TNKS: variants seen among roughly 807,000 people sequenced by gnomAD.
TNKS encodes the protein poly [ADP-ribose] polymerase tankyrase-1.
In TNKS, 72 loss-of-function variants were observed where a neutral mutation model predicts 135.8. The ratio of observed to expected loss-of-function variants is 0.53; its 90% CI spans 0.44 to 0.64. TNKS has a LOEUF of 0.64. Among genes scored for constraint, TNKS ranks in the 30% least tolerant of loss-of-function variants. TNKS has a pLI of 0.00. For missense variants in TNKS, 1,769 were observed against 1,674.0 expected (o/e 1.06, Z -0.99); for synonymous variants, 849 against 649.3 (o/e 1.31, Z -4.68).
chr8:9,715,758 T>G (rs750348041), intron 11 of TNKS, among the ~76,000 whole-genome samples: 2 of 152,128 alleles, frequency 1.3e-5, no homozygotes, highest in South Asian at 4.1e-4. Flanking sequence ...CCCAATTCAT[T>G]TGAAAAATCC....
At chr8:9,661,431 A>G (rs893286023) in intron 3 of TNKS, among the ~76,000 whole-genome samples, 1 of 152,164 alleles carries the variant, frequency 6.6e-6, no homozygotes, top group African/African-American at 2.4e-5. Context: ...ATAATGCCGC[A>G]TATCTACAAC....
intron 5 of TNKS, among the ~76,000 whole-genome samples, chr8:9,687,320 T>C (rs1026468472): frequency 6.6e-6 from 1 of 152,232 alleles, no homozygotes; most frequent in African/African-American, 2.4e-5. Context: ...ATATATCTAA[T>C]CAAGTCACTT....
At chr8:9,629,989 T>C (rs887581378) in intron 3 of TNKS, among the ~76,000 whole-genome samples, 3 of 152,160 alleles carry the variant, frequency 2.0e-5, no homozygotes, top group African/African-American at 7.2e-5. Context: ...GCCAACTACT[T>C]TCTCTTAATA....
chr8:9,604,600 T>G (rs1271569427), intron 2 of TNKS, among the ~76,000 whole-genome samples: 1 of 151,962 alleles, frequency 6.6e-6, no homozygotes, highest in Non-Finnish European at 1.5e-5. Context: ...GTTAGCTACC[T>G]TCTTATAGTT....
intron 25 of TNKS, among the ~76,000 whole-genome samples, chr8:9,766,627 A>C (rs1267286211): frequency 6.6e-6 from 1 of 151,940 alleles, no homozygotes; most frequent in Admixed American, 6.6e-5. Context: ...CTGGGATTAC[A>C]GGCACCTGCC....
intron 11 of TNKS, chr8:9,710,472 A>G (rs1045118286): frequency 3.5e-6 from 2 of 570,770 alleles, no homozygotes; most frequent in Non-Finnish European, 3.1e-6. Context: ...GTCATTTGAA[A>G]TAGATTTCAT....
intron 2 of TNKS, among the ~76,000 whole-genome samples, chr8:9,601,916 T>C (rs1424207778): frequency 6.6e-6 from 1 of 152,152 alleles, no homozygotes; most frequent in Non-Finnish European, 1.5e-5. Context: ...TAGCCCAATA[T>C]ATAAAAGCGT....
intron 2 of TNKS, among the ~76,000 whole-genome samples, chr8:9,614,716 T>G (rs1013494316): frequency 6.6e-6 from 1 of 152,208 alleles, no homozygotes; most frequent in Non-Finnish European, 1.5e-5. Flanking sequence ...ATTCATTGAT[T>G]TAATCATTGT....
chr8:9,569,787 T>G (rs1426419715), intron 1 of TNKS, among the ~76,000 whole-genome samples: 2 of 152,238 alleles, frequency 1.3e-5, no homozygotes, highest in Non-Finnish European at 2.9e-5. Context: ...CTTCGTATTC[T>G]TTTTTTCTTT....
At chr8:9,752,432 T>C (rs2128828808) in intron 19 of TNKS, 112 bp from the exon 20 acceptor site, 3 of 712,436 alleles carry the variant, frequency 4.2e-6, no homozygotes, top group Admixed American at 5.0e-5. Flanking sequence ...TTTTATGCCA[T>C]GGAAAATCAT....
intron 3 of TNKS, among the ~76,000 whole-genome samples, chr8:9,629,769 G>A (rs1585252170): frequency 6.6e-6 from 1 of 152,136 alleles, no homozygotes; most frequent in South Asian, 2.1e-4. Flanking sequence ...TGCAACCTCC[G>A]CCTCCCCGGT....
intron 11 of TNKS, among the ~76,000 whole-genome samples, chr8:9,714,019 G>A (rs1301253661): frequency 6.6e-6 from 1 of 152,094 alleles, no homozygotes; most frequent in Non-Finnish European, 1.5e-5. Flanking sequence ...CCCTACTCTT[G>A]ATGAATCAAT....
At chr8:9,679,878 A>G (rs752236011) in intron 3 of TNKS, 73 bp from the exon 4 acceptor site, 71 of 1,222,742 alleles carry the variant, frequency 5.8e-5, no homozygotes, top group Non-Finnish European at 7.1e-5. Context: ...TTAATTCTCT[A>G]TTTGCTGCCT....
At chr8:9,619,990 G>T (rs1353123542) in intron 3 of TNKS, among the ~76,000 whole-genome samples, 2 of 149,900 alleles carry the variant, frequency 1.3e-5, no homozygotes, top group Non-Finnish European at 3.0e-5. Flanking sequence ...TCACTCTGTC[G>T]CCAGGTTGGA....
chr8:9,630,560 A>G (rs1585253176), intron 3 of TNKS, among the ~76,000 whole-genome samples: 1 of 152,340 alleles, frequency 6.6e-6, no homozygotes, highest in East Asian at 1.9e-4. Flanking sequence ...AGTTACAAAA[A>G]ACCCCAGCAA....
intron 20 of TNKS, among the ~76,000 whole-genome samples, chr8:9,753,813 G>A (rs147372436): frequency 1.8e-4 from 28 of 152,298 alleles, no homozygotes; most frequent in East Asian, 1.2e-3. Context: ...AAATCTGCCC[G>A]TAGGTATAAT....
At chr8:9,712,624 C>CCTAT (rs1462929155) in intron 11 of TNKS, among the ~76,000 whole-genome samples, 1 of 151,956 alleles carries the variant, frequency 6.6e-6, no homozygotes, top group Admixed American at 6.6e-5. Flanking sequence ...GGTACCATAG[C>CCTAT]CTATGCCTTA....
chr8:9,766,892 C>G (rs1407776175), intron 25 of TNKS, among the ~76,000 whole-genome samples: 1 of 152,160 alleles, frequency 6.6e-6, no homozygotes. Flanking sequence ...TCAGCCTCTT[C>G]TGACAGGAGC....
At chr8:9,708,533 A>G (rs1316216961) in intron 9 of TNKS, 41 bp downstream of exon 9, 3 of 1,470,766 alleles carry the variant, frequency 2.0e-6, no homozygotes, top group Non-Finnish European at 9.1e-7. Context: ...GTCTATAATA[A>G]TAACGTAAGC....
Sources: gnomAD v4.1 joint callset for allele counts (sites outside exome capture counted in the v4.1 genomes callset) on GRCh38, gnomAD v4.1.1 for gene constraint, MANE v1.5 for transcripts, NCBI Gene and HGNC (gene_info 2026-07-23, HGNC 2026-07-21) for gene names.